ELMO1: variants seen among roughly 807,000 people sequenced by gnomAD.
ELMO1 encodes engulfment and cell motility 1, also known as engulfment and cell motility protein 1.
In ELMO1, 26 loss-of-function variants were observed where a neutral mutation model predicts 98.9. The observed-to-expected ratio is 0.26, with a 90% CI of 0.19 to 0.36. The LOEUF (loss-of-function observed/expected upper bound fraction) is 0.36. Ranked by LOEUF, ELMO1 falls within the 10% of genes least tolerant of loss-of-function variation. The pLI is 1.00. For missense variants in ELMO1, 627 were observed against 935.2 expected (o/e 0.67, Z 4.30); for synonymous variants, 346 against 346.0 (o/e 1.00, Z 0.00).
At chr7:36,899,631 C>CTTCCTTAAGATACTTAATCTCTCTCA (rs1806327223) in intron 16 of ELMO1, among the ~76,000 whole-genome samples, 1 of 139,872 alleles carries the variant, frequency 7.1e-6, no homozygotes, top group South Asian at 2.3e-4. Flanking sequence ...GGGCTTTGAC[C>CTTCCTTAAGATACTTAATCTCTCTCA]TTCCTTAAGA....
intron 20 of ELMO1, among the ~76,000 whole-genome samples, chr7:36,865,691 C>T (rs36104951): frequency 0.063 from 9,620 of 152,284 alleles, 353 homozygotes; most frequent in Middle Eastern, 0.14. Flanking sequence ...TCCTGCATCA[C>T]CTTTCTCAAC....
intron 1 of ELMO1, among the ~76,000 whole-genome samples, chr7:37,444,687 T>C (rs1805537881): frequency 6.6e-6 from 1 of 151,214 alleles, no homozygotes; most frequent in African/African-American, 2.4e-5. Context: ...TAATTTTTTT[T>C]GTATTTTCAA....
chr7:37,222,793 C>T (rs763348755), intron 9 of ELMO1, 100 bp from the exon 10 acceptor site: 54 of 1,035,290 alleles, frequency 5.2e-5, no homozygotes, highest in Non-Finnish European at 7.2e-5. Flanking sequence ...CCCCCTCCCC[C>T]CAAAAAAAGT....
chr7:37,422,536 G>A (rs1243752101), intron 1 of ELMO1, among the ~76,000 whole-genome samples: 2 of 152,166 alleles, frequency 1.3e-5, no homozygotes, highest in African/African-American at 4.8e-5. Context: ...GAATATACAA[G>A]ACTTTTAAGG....
At chr7:37,031,028 C>T (rs1173184021) in intron 15 of ELMO1, among the ~76,000 whole-genome samples, 2 of 152,152 alleles carry the variant, frequency 1.3e-5, no homozygotes, top group South Asian at 2.1e-4. Flanking sequence ...GCTCAGTTGA[C>T]TCTTCTCTCA....
chr7:37,333,292 A>G (rs1178977273), intron 2 of ELMO1, among the ~76,000 whole-genome samples: 3 of 152,206 alleles, frequency 2.0e-5, no homozygotes, highest in African/African-American at 7.2e-5. Flanking sequence ...TAACAGGAAA[A>G]TAAGCACAAA....
chr7:37,234,129 C>T (rs1185513392), intron 7 of ELMO1, among the ~76,000 whole-genome samples: 1 of 152,124 alleles, frequency 6.6e-6, no homozygotes, highest in East Asian at 1.9e-4. Flanking sequence ...ATGATAAATA[C>T]TCTTTCTTTG....
At chr7:37,244,296 A>G (rs374756936) in intron 7 of ELMO1, 60 bp downstream of exon 7, 104 of 1,564,070 alleles carry the variant, frequency 6.6e-5, no homozygotes, top group Non-Finnish European at 8.4e-5. Flanking sequence ...GACAGGGCTC[A>G]ATTATGCAGG....
chr7:37,005,596 G>A (rs145052178), intron 16 of ELMO1, among the ~76,000 whole-genome samples: 11,505 of 150,640 alleles, frequency 0.076, 601 homozygotes, highest in Middle Eastern at 0.21. Flanking sequence ...GGAGGCTGAG[G>A]CAGGAGAATC....
At chr7:37,377,116 T>C (rs757010197) in intron 1 of ELMO1, among the ~76,000 whole-genome samples, 1 of 152,222 alleles carries the variant, frequency 6.6e-6, no homozygotes, top group Non-Finnish European at 1.5e-5. Flanking sequence ...AATCATGTGA[T>C]CTCATGGCTG....
intron 16 of ELMO1, among the ~76,000 whole-genome samples, chr7:36,998,363 T>C (rs1251024845): frequency 1.3e-5 from 2 of 152,130 alleles, no homozygotes; most frequent in Admixed American, 1.3e-4. Context: ...TAATGCACTT[T>C]GGAGTCGTAT....
intron 16 of ELMO1, among the ~76,000 whole-genome samples, chr7:37,012,783 C>T (rs1793646545): frequency 1.3e-5 from 2 of 152,184 alleles, no homozygotes; most frequent in Admixed American, 1.3e-4. Flanking sequence ...TGACTCAGTT[C>T]TTGGAAAGGG....
chr7:37,185,176 T>C (rs1300044884), intron 13 of ELMO1, among the ~76,000 whole-genome samples: 2 of 152,240 alleles, frequency 1.3e-5, no homozygotes, highest in African/African-American at 4.8e-5. Context: ...GTTGAATTTG[T>C]GGTCAATCTT....
chr7:36,914,388 C>A (rs1316079896), intron 16 of ELMO1, among the ~76,000 whole-genome samples: 2 of 152,102 alleles, frequency 1.3e-5, no homozygotes, highest in East Asian at 1.9e-4. Flanking sequence ...TAAGGCTTTT[C>A]GCATCTTAAT....
intron 14 of ELMO1, among the ~76,000 whole-genome samples, chr7:37,118,220 A>C (rs1441177949): frequency 1.3e-5 from 2 of 152,170 alleles, no homozygotes; most frequent in Non-Finnish European, 2.9e-5. Flanking sequence ...TAATGCACAG[A>C]GGCTACTTGG....
At chr7:36,876,126 A>G (rs183732425) in intron 19 of ELMO1, among the ~76,000 whole-genome samples, 1 of 152,302 alleles carries the variant, frequency 6.6e-6, no homozygotes, top group African/African-American at 2.4e-5. Flanking sequence ...CTGTTTAACC[A>G]CTGCAGAGCA....
intron 13 of ELMO1, among the ~76,000 whole-genome samples, chr7:37,188,811 G>T (rs946613120): frequency 4.6e-5 from 7 of 152,224 alleles, no homozygotes; most frequent in African/African-American, 1.7e-4. Flanking sequence ...GGTATGAAAT[G>T]CCTGGATGTG....
intron 16 of ELMO1, among the ~76,000 whole-genome samples, chr7:36,924,596 C>G (rs931354569): frequency 2.0e-5 from 3 of 152,176 alleles, no homozygotes; most frequent in Admixed American, 2.0e-4. Context: ...GCACATTTGG[C>G]AAACTTTTAC....
intron 16 of ELMO1, among the ~76,000 whole-genome samples, chr7:36,991,436 T>A (rs1311429837): frequency 6.6e-6 from 1 of 152,234 alleles, no homozygotes; most frequent in African/African-American, 2.4e-5. Flanking sequence ...CTACTTTATT[T>A]CATTCAAGAG....
Sources: gnomAD v4.1 joint callset for allele counts (sites outside exome capture counted in the v4.1 genomes callset) on GRCh38, gnomAD v4.1.1 for gene constraint, MANE v1.5 for transcripts, NCBI Gene and HGNC (gene_info 2026-07-23, HGNC 2026-07-21) for gene names.